EEPD1: variants seen among roughly 807,000 people sequenced by gnomAD.
EEPD1 encodes endonuclease/exonuclease/phosphatase family domain-containing protein 1.
In EEPD1, 17 loss-of-function variants were observed where a neutral mutation model predicts 46.3. The observed-to-expected ratio is 0.37, with a 90% CI of 0.25 to 0.55. The LOEUF (loss-of-function observed/expected upper bound fraction) is 0.55, where lower values mean the gene tolerates loss of function less well. EEPD1 is among the 20% of genes least tolerant of loss of function. The probability of loss-of-function intolerance (pLI) is 0.83; values close to 1 mark genes in which losing one functional copy is unlikely to be tolerated. For missense variants in EEPD1, 673 were observed against 745.6 expected (o/e 0.90, Z 1.13); for synonymous variants, 313 against 315.6 (o/e 0.99, Z 0.09).
chr7:36,245,132 G>C (rs557824497), intron 3 of EEPD1, among the ~76,000 whole-genome samples: 1 of 152,014 alleles, frequency 6.6e-6, no homozygotes, highest in Non-Finnish European at 1.5e-5. Context: ...ATTTTTATTA[G>C]AGATGGGATC....
At chr7:36,222,128 T>C (rs1786156255) in intron 2 of EEPD1, among the ~76,000 whole-genome samples, 1 of 152,238 alleles carries the variant, frequency 6.6e-6, no homozygotes. Flanking sequence ...ATAGAACTTT[T>C]GACTCCCCCA....
At chr7:36,201,783 A>G (rs1785716077) in intron 2 of EEPD1, among the ~76,000 whole-genome samples, 1 of 152,090 alleles carries the variant, frequency 6.6e-6, no homozygotes, top group Non-Finnish European at 1.5e-5. Context: ...CTGCAGGTGC[A>G]TTTACTCCCA....
intron 6 of EEPD1, among the ~76,000 whole-genome samples, chr7:36,291,965 G>A (rs1787448759): frequency 6.6e-6 from 1 of 152,208 alleles, no homozygotes; most frequent in African/African-American, 2.4e-5. Flanking sequence ...ACTTCCTCTA[G>A]GGTAAATCAG....
chr7:36,287,127 C>A (rs1336974801), intron 5 of EEPD1, among the ~76,000 whole-genome samples: 1 of 145,336 alleles, frequency 6.9e-6, no homozygotes, highest in African/African-American at 2.5e-5. Context: ...ATCCCAGCTA[C>A]TTGGGAGGCT....
At chr7:36,237,600 T>C (rs568242806) in intron 2 of EEPD1, among the ~76,000 whole-genome samples, 1 of 152,250 alleles carries the variant, frequency 6.6e-6, no homozygotes, top group East Asian at 1.9e-4. Flanking sequence ...AAAAAAGAAT[T>C]TGGGGCAAGT....
At chr7:36,278,026 A>G (rs1365412444) in intron 3 of EEPD1, among the ~76,000 whole-genome samples, 1 of 152,122 alleles carries the variant, frequency 6.6e-6, no homozygotes, top group African/African-American at 2.4e-5. Flanking sequence ...ATCAACTTGA[A>G]CCTATCAGAG....
At position 36,236,927 on chromosome 7, in the gene EEPD1, A is replaced by AC. The variant is rs148109363; in HGVS notation, c.879-2055dup. Among the ~76,000 whole-genome samples, 204 of 152,304 alleles carry AC rather than the reference A, an allele frequency of 1.3e-3. 1 individual carries two copies. Among genetic ancestry groups the AC allele is most frequent in the African/African-American group, 4.7e-3 (196 of 41,572 alleles). On this transcript the variant is annotated intron_variant, in intron 2 of 7. Transcript: ENST00000242108. ...GCAGGCCCCCTAGCCAGCAGGGGCA[A>AC]CCCGCTCGCCTACCATACCAGGCTG...
chr7:36,291,369 A>G (rs1787428133), intron 6 of EEPD1, among the ~76,000 whole-genome samples: 1 of 152,128 alleles, frequency 6.6e-6, no homozygotes. Context: ...CTTTGTGGTG[A>G]GCCCTGGATT....
At chr7:36,271,188 A>G (rs1241142412) in intron 3 of EEPD1, among the ~76,000 whole-genome samples, 4 of 151,914 alleles carry the variant, frequency 2.6e-5, no homozygotes. Context: ...GGGTTTTACC[A>G]TGTTGGCCAG....
At chr7:36,216,407 C>T (rs769368384) in intron 2 of EEPD1, among the ~76,000 whole-genome samples, 2 of 152,182 alleles carry the variant, frequency 1.3e-5, no homozygotes, top group Non-Finnish European at 2.9e-5. Context: ...ATTTAAACTG[C>T]GTAATAACAC....
chr7:36,161,225 G>A (rs757778761), intron 2 of EEPD1, among the ~76,000 whole-genome samples: 1 of 152,176 alleles, frequency 6.6e-6, no homozygotes, highest in South Asian at 2.1e-4. Context: ...TACCTGATGA[G>A]GTCAGAGGCA....
At chr7:36,217,419 C>T (rs1673942380) in intron 2 of EEPD1, among the ~76,000 whole-genome samples, 1 of 152,222 alleles carries the variant, frequency 6.6e-6, no homozygotes, top group Admixed American at 6.5e-5. Flanking sequence ...GACCCGCGGT[C>T]ACTTTCATCA....
chr7:36,246,662 A>T (rs1168453688), intron 3 of EEPD1, among the ~76,000 whole-genome samples: 3 of 152,014 alleles, frequency 2.0e-5, no homozygotes, highest in African/African-American at 4.8e-5. Context: ...CTAGGAAAAG[A>T]TGCCTGTCAG....
chr7:36,155,695 T>C (rs1784814821), intron 2 of EEPD1, among the ~76,000 whole-genome samples: 1 of 152,228 alleles, frequency 6.6e-6, no homozygotes, highest in Non-Finnish European at 1.5e-5. Flanking sequence ...ACCAAAATGC[T>C]ATGAATGAAT....
chr7:36,271,662 G>A (rs1562708555), intron 3 of EEPD1, among the ~76,000 whole-genome samples: 1 of 145,208 alleles, frequency 6.9e-6, no homozygotes. Flanking sequence ...TGTTTTTGGT[G>A]TTTTAGTCAT....
At chr7:36,186,175 G>A (rs902910680) in intron 2 of EEPD1, among the ~76,000 whole-genome samples, 1 of 152,070 alleles carries the variant, frequency 6.6e-6, no homozygotes, top group African/African-American at 2.4e-5. Flanking sequence ...TGGCACTCTG[G>A]CCCTCCCAGC....
rs145155620 is a variant in EEPD1, at chr7:36,294,027, G to GA, written c.1316-2956dup. ...ATCCATCTCCAGGATGTACTGATAA[G>GA]AAAAAAAAAAGTAGGAATTGATAGG... On this transcript the variant is annotated intron_variant, in intron 6 of 7. Coordinates refer to ENST00000242108, the MANE Select transcript of EEPD1 (RefSeq NM_030636.3). Among the ~76,000 whole-genome samples the GA allele has an allele frequency of 3.4e-4, 50 of 148,144 alleles. No individual in the cohort carries two copies. In the East Asian group the frequency reaches 4.7e-3, roughly 14 times the overall value.
At chr7:36,155,512 C>G (rs1472094491) in intron 2 of EEPD1, among the ~76,000 whole-genome samples, 1 of 152,132 alleles carries the variant, frequency 6.6e-6, no homozygotes, top group East Asian at 1.9e-4. Context: ...TACACCAAGT[C>G]AGGCACTCAG....
At chr7:36,288,803 G>C (rs1325094163) in intron 6 of EEPD1, among the ~76,000 whole-genome samples, 1 of 151,456 alleles carries the variant, frequency 6.6e-6, no homozygotes, top group Non-Finnish European at 1.5e-5. Context: ...AGGACAAAGG[G>C]GGGCTATGCC....
Sources: gnomAD v4.1 joint callset for allele counts (sites outside exome capture counted in the v4.1 genomes callset) on GRCh38, gnomAD v4.1.1 for gene constraint, MANE v1.5 for transcripts, NCBI Gene and HGNC (gene_info 2026-07-23, HGNC 2026-07-21) for gene names.